The following CDK13 variants were observed in gnomAD, a reference collection of about 807,000 sequenced individuals.
CDK13 encodes the protein cyclin-dependent kinase 13.
Under a neutral mutation model 137.6 loss-of-function variants are expected in CDK13, and 40 were observed. That is an observed-to-expected ratio of 0.29 (90% confidence interval 0.23 to 0.38). CDK13 has a LOEUF of 0.38. CDK13 is among the 10% of genes least tolerant of loss of function. The probability of loss-of-function intolerance (pLI) is 1.00; values close to 1 mark genes in which losing one functional copy is unlikely to be tolerated. For synonymous variants in CDK13, 869 were observed against 760.1 expected, an observed-to-expected ratio of 1.14 and a Z score of -2.36; for missense variants, 1,704 against 1,951.8, an observed-to-expected ratio of 0.87 and a Z score of 2.39.
At chr7:40,068,708 A>G (rs1486626579) in intron 9 of CDK13, among the ~76,000 whole-genome samples, 1 of 64,048 alleles carries the variant, frequency 1.6e-5, no homozygotes, top group African/African-American at 7.5e-5. Context: ...TATGTCTCAG[A>G]AAAAAAAAAA....
intron 1 of CDK13, among the ~76,000 whole-genome samples, chr7:39,979,218 T>C (rs1784173228): frequency 6.9e-6 from 1 of 144,712 alleles, no homozygotes; most frequent in African/African-American, 2.6e-5. Flanking sequence ...TTTTTTTTCT[T>C]TTTTTTTTTT....
At chr7:39,997,220 TAATC>T (rs1383898525) in intron 2 of CDK13, among the ~76,000 whole-genome samples, 1 of 152,128 alleles carries the variant, frequency 6.6e-6, no homozygotes. Context: ...CGTTAACAAT[TAATC>T]AATATTGATA....
intron 1 of CDK13, among the ~76,000 whole-genome samples, chr7:39,975,812 G>GT (rs1439958011): frequency 6.6e-6 from 1 of 152,214 alleles, no homozygotes; most frequent in African/African-American, 2.4e-5. Context: ...TTTAGGCCTT[G>GT]TGAGTCACAA....
intron 5 of CDK13, among the ~76,000 whole-genome samples, chr7:40,016,292 T>C (rs1206190838): frequency 1.3e-5 from 2 of 152,234 alleles, no homozygotes; most frequent in African/African-American, 4.8e-5. Context: ...GGGCAAATTA[T>C]TTATTGTCTC....
chr7:40,029,409 A>T (rs1409315587), intron 5 of CDK13, among the ~76,000 whole-genome samples: 1 of 150,888 alleles, frequency 6.6e-6, no homozygotes, highest in Non-Finnish European at 1.5e-5. Context: ...CCTAGGTGAC[A>T]GCAAGACTGT....
intron 5 of CDK13, among the ~76,000 whole-genome samples, chr7:40,025,629 A>G (rs1381228576): frequency 1.3e-5 from 2 of 152,172 alleles, no homozygotes; most frequent in Non-Finnish European, 2.9e-5. Flanking sequence ...TTCTTCCATT[A>G]GGAATAATCT....
At chr7:40,080,974 T>A (rs912232740) in intron 11 of CDK13, among the ~76,000 whole-genome samples, 1 of 145,318 alleles carries the variant, frequency 6.9e-6, no homozygotes, top group Non-Finnish European at 1.5e-5. Context: ...ATTTCCCCAG[T>A]TGACCCAATA....
chr7:40,033,548 G>T (rs1785422536), intron 5 of CDK13, among the ~76,000 whole-genome samples: 1 of 152,176 alleles, frequency 6.6e-6, no homozygotes, highest in Non-Finnish European at 1.5e-5. Flanking sequence ...CTGGCTAGGG[G>T]TTAGGCTATG....
chr7:39,987,536 C>G, intron 1 of CDK13, 63 bp from the exon 2 acceptor site: 1 of 1,319,872 alleles, frequency 7.6e-7, no homozygotes, highest in Non-Finnish European at 1.0e-6. Flanking sequence ...TTAGCACTGT[C>G]TTTGTAAATT....
intron 5 of CDK13, among the ~76,000 whole-genome samples, chr7:40,021,914 T>G (rs2150497400): frequency 6.6e-6 from 1 of 152,348 alleles, no homozygotes; most frequent in East Asian, 1.9e-4. Flanking sequence ...TCAAGGTATA[T>G]TTATGGGAAA....
rs898037386 is a variant in CDK13 at position 40,046,045 on chromosome 7, A to G, written c.2543+20A>G. Reference sequence around the variant, plus strand: ...TAATAGGTATGGGTATGAACTTTATATATATTTAAAATGAGTTTTACCATG... The same window carrying G: ...TAATAGGTATGGGTATGAACTTTATGTATATTTAAAATGAGTTTTACCATG... On this transcript the variant is annotated intron_variant, in intron 6 of 13. Coordinates refer to ENST00000181839, the MANE Select transcript of CDK13 (RefSeq NM_003718.5). The G allele has an allele frequency of 1.5e-6, 2 of 1,373,424 alleles. No homozygotes were observed. Among genetic ancestry groups the G allele is most frequent in the African/African-American group, 1.5e-5 (1 of 68,732 alleles). The allele number at this position is 1,373,424 out of a possible 1,614,324, so 85.1% of individuals were successfully genotyped here.
intron 2 of CDK13, among the ~76,000 whole-genome samples, chr7:39,992,163 GGTGTGTGTGT>G (rs140203379): frequency 0.11 from 15,901 of 146,284 alleles, 997 homozygotes; most frequent in Middle Eastern, 0.16. Flanking sequence ...AACTAATGAG[GGTGTGTGTGT>G]GTGTGTGTGT....
intron 9 of CDK13, among the ~76,000 whole-genome samples, chr7:40,077,063 G>T (rs1007042770): frequency 2.0e-5 from 3 of 152,140 alleles, no homozygotes; most frequent in Non-Finnish European, 4.4e-5. Flanking sequence ...CCATAACAAG[G>T]ATTTACTAGT....
chr7:39,962,328 C>A (rs564838063), intron 1 of CDK13, among the ~76,000 whole-genome samples: 4 of 152,222 alleles, frequency 2.6e-5, no homozygotes, highest in Non-Finnish European at 4.4e-5. Flanking sequence ...GATCACCATT[C>A]TAACTGGTGT....
At chr7:39,964,422 G>T (rs1583914773) in intron 1 of CDK13, among the ~76,000 whole-genome samples, 1 of 152,136 alleles carries the variant, frequency 6.6e-6, no homozygotes, top group East Asian at 1.9e-4. Context: ...GGTGTTTATA[G>T]TATTCCCTGA....
At chr7:40,093,923 A>AAT in intron 13 of CDK13, among the ~76,000 whole-genome samples, 1 of 130,408 alleles carries the variant, frequency 7.7e-6, no homozygotes, top group African/African-American at 3.0e-5. Context: ...AAAAAAAAAA[A>AAT]TTTTTTTTTT....
At chr7:40,088,031 T>C in intron 11 of CDK13, 95 bp from the exon 12 acceptor site, 1 of 937,848 alleles carries the variant, frequency 1.1e-6, no homozygotes, top group Non-Finnish European at 1.6e-6. Flanking sequence ...TCAAGAACTA[T>C]TTGGGGTGGG....
intron 5 of CDK13, among the ~76,000 whole-genome samples, chr7:40,024,083 T>C (rs1785186433): frequency 6.6e-6 from 1 of 152,222 alleles, no homozygotes; most frequent in Non-Finnish European, 1.5e-5. Flanking sequence ...TGTACCCGTT[T>C]TACTCATTTA....
intron 2 of CDK13, among the ~76,000 whole-genome samples, chr7:39,992,166 GTGTGTGTGTGTGT>G (rs1784474524): frequency 4.2e-5 from 2 of 47,186 alleles, no homozygotes; most frequent in South Asian, 8.3e-4. Context: ...TAATGAGGGT[GTGTGTGTGTGTGT>G]GTGTGTGTGT....
Sources: allele counts gnomAD v4.1 joint callset (sites outside exome capture counted in the v4.1 genomes callset), GRCh38; gene constraint gnomAD v4.1.1; transcripts MANE v1.5; gene names NCBI Gene and HGNC (gene_info 2026-07-23, HGNC 2026-07-21).